Variants in LRRIQ4 observed in about 807,000 individuals in gnomAD.
LRRIQ4 encodes leucine rich repeats and IQ motif containing 4, also known as leucine-rich repeat and IQ domain-containing protein 4.
LRRIQ4 carries 21 observed loss-of-function variants against 40.1 expected under a neutral mutation model. The ratio of observed to expected loss-of-function variants is 0.52; its 90% CI spans 0.37 to 0.75. The LOEUF is 0.75. Among genes scored for constraint, LRRIQ4 ranks in the 30% least tolerant of loss-of-function variants. LRRIQ4 has a pLI of 0.00. For synonymous variants in LRRIQ4, 277 were observed against 277.1 expected (o/e 1.00, Z 0.00); for missense variants, 655 against 660.0 (o/e 0.99, Z 0.08).
chr3:169,827,649 G>T (rs1216987258), intron 2 of LRRIQ4, among the ~76,000 whole-genome samples: 3 of 150,724 alleles, frequency 2.0e-5, no homozygotes, highest in African/African-American at 7.3e-5. Context: ...TTTCCCATGT[G>T]GTCTCCCATG....
intron 4 of LRRIQ4, 31 bp from the exon 5 acceptor site, chr3:169,832,956 T>C (rs1018377253): frequency 4.4e-6 from 7 of 1,583,418 alleles, no homozygotes; most frequent in South Asian, 1.1e-5. Context: ...TCTTCTAAGA[T>C]TGAACCACCA....
At chr3:169,823,060 C>T in intron 2 of LRRIQ4, 119 bp downstream of exon 2, 1 of 773,944 alleles carries the variant, frequency 1.3e-6, no homozygotes, top group South Asian at 2.2e-5. Flanking sequence ...TCCAAGATTA[C>T]TAAATATCCA....
At chr3:169,817,613 T>C (rs1040264502) in intron 1 of LRRIQ4, among the ~76,000 whole-genome samples, 3 of 152,186 alleles carry the variant, frequency 2.0e-5, no homozygotes, top group Admixed American at 2.0e-4. Flanking sequence ...GGTGATCCAG[T>C]GTTGGGTGCA....
intron 1 of LRRIQ4, among the ~76,000 whole-genome samples, chr3:169,817,706 C>G (rs1012732794): frequency 6.6e-6 from 1 of 151,970 alleles, no homozygotes; most frequent in Non-Finnish European, 1.5e-5. Context: ...TTTTTTATAG[C>G]TTTTGTCTCG....
chr3:169,827,805 G>A (rs562463443), intron 2 of LRRIQ4, among the ~76,000 whole-genome samples: 1 of 152,166 alleles, frequency 6.6e-6, no homozygotes, highest in Non-Finnish European at 1.5e-5. Flanking sequence ...TGGATGGCTC[G>A]CTATAAAAAG....
chr3:169,828,493 C>CA (rs1780089840), intron 2 of LRRIQ4, among the ~76,000 whole-genome samples: 1 of 152,220 alleles, frequency 6.6e-6, no homozygotes, highest in Non-Finnish European at 1.5e-5. Flanking sequence ...CTTGGCCTCC[C>CA]AAAGTGCTGG....
At chr3:169,824,641 T>C (rs1274127851) in intron 2 of LRRIQ4, among the ~76,000 whole-genome samples, 5 of 152,070 alleles carry the variant, frequency 3.3e-5, no homozygotes, top group African/African-American at 1.2e-4. Flanking sequence ...GCCTCCCAAG[T>C]AGTTGGGACT....
chr3:169,814,673 C>G (rs997886226), intron 1 of LRRIQ4, among the ~76,000 whole-genome samples: 9 of 152,092 alleles, frequency 5.9e-5, no homozygotes, highest in African/African-American at 2.2e-4. Context: ...TTAGTAGAGA[C>G]AGGGTTTCAC....
chr3:169,830,425 A>C (rs1780140763), intron 3 of LRRIQ4, 67 bp from the exon 4 acceptor site: 4 of 461,264 alleles, frequency 8.7e-6, no homozygotes, highest in South Asian at 4.0e-5. Context: ...GAGCACCCAC[A>C]GGTGATTCTG....
At position 169,835,716 on chromosome 3, in the gene LRRIQ4, T is replaced by C. The variant is rs577501898; in HGVS notation, c.1531-1763T>C. Among the ~76,000 whole-genome samples the C allele has an allele frequency of 3.6e-4, 55 of 152,290 alleles. 1 individual carries two copies. The South Asian group carries it at 0.011, about 32-fold the overall frequency. ...GCCTCTAGAGAGCAGTGCTGTTCCC[T>C]GGATCCCGATTGGTCTGCTGTTTTC... is the stretch of plus-strand genomic sequence containing the variant. On this transcript the variant is annotated intron_variant, in intron 5 of 5. Coordinates refer to ENST00000340806, the MANE Select transcript of LRRIQ4 (RefSeq NM_001080460.3).
At chr3:169,823,183 A>G (rs1047019055) in intron 2 of LRRIQ4, among the ~76,000 whole-genome samples, 1 of 152,172 alleles carries the variant, frequency 6.6e-6, no homozygotes, top group Non-Finnish European at 1.5e-5. Flanking sequence ...AAGTGTTTAC[A>G]TGGATCATCT....
At position 169,822,733 on chromosome 3, in the gene LRRIQ4, A is replaced by C. The variant is rs774744298; in HGVS notation, c.812A>C (p.Lys271Thr). The change falls in exon 2 of 6, where the codon AAG becomes ACG. Residue 271 changes from lysine to threonine, a missense_variant. Transcript: ENST00000340806. ...GGGCTGAGCGGGAACCGCCTGGAGA[A>C]GGTGCCACGCCTCATTTGCAGGTGG... ...EIGLSGNRLE[K>T]VPRLICRWTS... The C allele has an allele frequency of 6.2e-7, 1 of 1,613,938 alleles. No homozygotes were observed. Among genetic ancestry groups the C allele is most frequent in the Admixed American group, 1.7e-5 (1 of 60,024 alleles).
At chr3:169,836,941 C>T (rs1780315805) in intron 5 of LRRIQ4, among the ~76,000 whole-genome samples, 1 of 152,122 alleles carries the variant, frequency 6.6e-6, no homozygotes, top group South Asian at 2.1e-4. Flanking sequence ...AGGACTTTGG[C>T]TTCTATTCAG....
At position 169,828,747 on chromosome 3, in the gene LRRIQ4, G is replaced by T. The variant is rs1200202620; in HGVS notation, c.1021-12G>T. ...TCTTGACCTGAAACTTATCTTTTTGGAATACTTCTAGTTACCTTCAGAATT... is the reference window on the plus strand; with the variant it reads ...TCTTGACCTGAAACTTATCTTTTTGTAATACTTCTAGTTACCTTCAGAATT... On this transcript the variant is annotated splice_polypyrimidine_tract_variant and intron_variant, in intron 2 of 5. Transcript: ENST00000340806. The T allele has an allele frequency of 1.3e-6, 2 of 1,599,662 alleles. No individual in the cohort carries two copies. The highest frequency in any genetic ancestry group is 2.2e-5 in the East Asian group (1 of 44,698).
chr3:169,822,676 G>A lies in LRRIQ4; in HGVS notation c.755G>A (p.Ser252Asn), dbSNP rs930664390. Residue 252 changes from serine (S) to asparagine (N), a missense_variant, in exon 2 of 6, where the codon AGC becomes AAC. Ser to Asn is a conservative substitution (Grantham distance 46, BLOSUM62 1). Transcript: ENST00000340806. ...AACCTCCTCCACTCCATCCCGAAGA[G>A]CTTCGCCGAGCTCAGGAAGATGACG... The part of the protein sequence containing the change: ...SHNLLHSIPK[S>N]FAELRKMTEI... The A allele has an allele frequency of 3.7e-6, 6 of 1,613,854 alleles. No individual in the cohort carries two copies. The African/African-American group carries it at 8.0e-5, about 22-fold the overall frequency.
chr3:169,835,244 G>A lies in LRRIQ4; in HGVS notation c.1530+2061G>A, dbSNP rs144178806. 3.8e-4 allele frequency among the ~76,000 whole-genome samples: 58 copies of A among 152,178 alleles called. No individual in the cohort carries two copies. The East Asian group carries it at 0.01, about 27-fold the overall frequency. On this transcript the variant is annotated intron_variant, in intron 5 of 5. Transcript: ENST00000340806. ...AGGTCTTAGCTGACATGTCAACTAG[G>A]CTTCCCTTATTTTTCTTGAAGGTAG...
Position 169,824,334 on chromosome 3 carries a change from T to C in LRRIQ4, c.1020+1393T>C, listed in dbSNP as rs549460467. ...AAGTTCAAGACCATGCTGGGCAATG[T>C]AGGAATGTGTCTTTAAAAACCAAGA... On this transcript the variant is annotated intron_variant, in intron 2 of 5. Coordinates refer to ENST00000340806, the MANE Select transcript of LRRIQ4 (RefSeq NM_001080460.3). Among the ~76,000 whole-genome samples the C allele has an allele frequency of 2.2e-4, 33 of 152,172 alleles. No individual in the cohort carries two copies. In the South Asian group the frequency reaches 6.6e-3, roughly 31 times the overall value.
In LRRIQ4 at chr3:169,830,422, C is replaced by G. The variant is rs1780140691; in HGVS notation, c.1195-70C>G. On this transcript the variant is annotated intron_variant, in intron 3 of 5. Coordinates refer to ENST00000340806, the MANE Select transcript of LRRIQ4 (RefSeq NM_001080460.3). ...AAAAAAAAAAAAATGCATGAGCACC[C>G]ACAGGTGATTCTGGTTATTATAATT... 7.4e-6 allele frequency: 4 copies of G among 543,228 alleles called. No individual in the cohort carries two copies. In the South Asian group the frequency reaches 1.7e-4, roughly 23 times the overall value. The allele number at this position is 543,228 out of a possible 1,614,324, so 33.7% of individuals were successfully genotyped here.
At chr3:169,816,012 T>C (rs1343646255) in intron 1 of LRRIQ4, among the ~76,000 whole-genome samples, 1 of 152,222 alleles carries the variant, frequency 6.6e-6, no homozygotes, top group Non-Finnish European at 1.5e-5. Context: ...TGAATGATTT[T>C]TTTAATGTGT....
Sources: gnomAD v4.1 joint callset for allele counts (sites outside exome capture counted in the v4.1 genomes callset) on GRCh38, gnomAD v4.1.1 for gene constraint, MANE v1.5 for transcripts, NCBI Gene and HGNC (gene_info 2026-07-23, HGNC 2026-07-21) for gene names.